The following SCMH1 variants were observed in gnomAD, a reference collection of about 807,000 sequenced individuals.
SCMH1 encodes polycomb protein SCMH1.
SCMH1 carries 37 observed loss-of-function variants against 70.8 expected under a neutral mutation model. The ratio of observed to expected loss-of-function variants is 0.52; its 90% CI spans 0.40 to 0.69. The LOEUF is 0.69. SCMH1 is among the 30% of genes least tolerant of loss of function. SCMH1 has a pLI of 0.00. For missense variants in SCMH1, 607 were observed against 827.3 expected, an observed-to-expected ratio of 0.73 and a Z score of 3.27; for synonymous variants, 292 against 307.4, an observed-to-expected ratio of 0.95 and a Z score of 0.52.
intron 10 of SCMH1, 35 bp downstream of exon 10, chr1:41,070,560 G>A (rs963611632): frequency 1.2e-6 from 2 of 1,613,258 alleles, no homozygotes; most frequent in East Asian, 2.2e-5. Context: ...TAGGTCTGGG[G>A]CTTGTGCGCA....
intron 2 of SCMH1, among the ~76,000 whole-genome samples, chr1:41,185,708 T>A (rs1239284736): frequency 1.3e-5 from 2 of 150,992 alleles, no homozygotes; most frequent in African/African-American, 4.9e-5. Flanking sequence ...AGATCTCGGC[T>A]TACAGCAACC....
At chr1:41,058,539 C>T (rs1651423131) in intron 10 of SCMH1, among the ~76,000 whole-genome samples, 2 of 151,998 alleles carry the variant, frequency 1.3e-5, no homozygotes, top group Non-Finnish European at 2.9e-5. Flanking sequence ...TGCCACCACA[C>T]CTGGCTAATT....
chr1:41,142,886 G>A (rs769517806), exon 6 of SCMH1: 3 of 1,613,072 alleles, frequency 1.9e-6, no homozygotes. Context: ...ACCAAGAGGT[G>A]GCTGTAGCAT....
At chr1:41,068,457 G>A (rs1655412271) in intron 10 of SCMH1, among the ~76,000 whole-genome samples, 1 of 152,142 alleles carries the variant, frequency 6.6e-6, no homozygotes. Context: ...CTAGGCTGGA[G>A]TGCACTGGTA....
chr1:41,203,691 G>C (rs531883819), intron 1 of SCMH1, among the ~76,000 whole-genome samples: 72 of 152,358 alleles, frequency 4.7e-4, no homozygotes, highest in South Asian at 3.1e-3. Flanking sequence ...ACCACTTAAA[G>C]GCATTCTTAA....
intron 2 of SCMH1, among the ~76,000 whole-genome samples, chr1:41,166,039 T>C (rs1646388782): frequency 6.6e-6 from 1 of 152,116 alleles, no homozygotes; most frequent in South Asian, 2.1e-4. Context: ...AGGGGTGAAA[T>C]AAAGATCCAC....
intron 2 of SCMH1, among the ~76,000 whole-genome samples, chr1:41,167,405 C>T (rs1039629945): frequency 3.9e-5 from 6 of 152,166 alleles, no homozygotes; most frequent in Admixed American, 2.0e-4. Flanking sequence ...GAAGAATTCC[C>T]TCCTCTTCAA....
At chr1:41,214,715 T>C (rs1316186437) in intron 1 of SCMH1, among the ~76,000 whole-genome samples, 2 of 152,148 alleles carry the variant, frequency 1.3e-5, no homozygotes, top group Admixed American at 6.5e-5. Flanking sequence ...GCTCCAATCT[T>C]TTCCCATTAT....
At chr1:41,148,847 G>A (rs1644818678) in intron 5 of SCMH1, among the ~76,000 whole-genome samples, 1 of 152,108 alleles carries the variant, frequency 6.6e-6, no homozygotes, top group South Asian at 2.1e-4. Context: ...CTGCAGTGCA[G>A]TGGCATGATC....
At chr1:41,201,226 A>G (rs753516918) in intron 1 of SCMH1, among the ~76,000 whole-genome samples, 3 of 152,212 alleles carry the variant, frequency 2.0e-5, no homozygotes, top group African/African-American at 4.8e-5. Flanking sequence ...TGAGGGAGTT[A>G]TAAATCCATG....
intron 11 of SCMH1, among the ~76,000 whole-genome samples, chr1:41,047,307 C>G (rs1452600291): frequency 6.6e-6 from 1 of 151,452 alleles, no homozygotes; most frequent in African/African-American, 2.4e-5. Context: ...TCCTACAGAC[C>G]ATTACACAGA....
intron 6 of SCMH1, among the ~76,000 whole-genome samples, chr1:41,125,923 A>T (rs750135771): frequency 2.6e-5 from 4 of 152,174 alleles, no homozygotes; most frequent in Non-Finnish European, 5.9e-5. Context: ...AATTGCTTCT[A>T]GGCCCTTTCA....
intron 10 of SCMH1, among the ~76,000 whole-genome samples, chr1:41,069,617 T>C (rs1255667815): frequency 1.3e-5 from 2 of 152,236 alleles, no homozygotes; most frequent in Admixed American, 1.3e-4. Context: ...ATAGCTTTTA[T>C]TGTTAACATT....
intron 2 of SCMH1, among the ~76,000 whole-genome samples, chr1:41,180,748 A>G (rs981309321): frequency 1.3e-5 from 2 of 152,206 alleles, no homozygotes; most frequent in Non-Finnish European, 2.9e-5. Context: ...GGAAGAATCA[A>G]TATCATGAAA....
chr1:41,205,499 T>G (rs1655316883), intron 1 of SCMH1, among the ~76,000 whole-genome samples: 1 of 152,184 alleles, frequency 6.6e-6, no homozygotes, highest in Non-Finnish European at 1.5e-5. Context: ...CTGAAGGCTG[T>G]GAGACCCCTG....
chr1:41,152,480 G>C, intron 4 of SCMH1: 1 of 1,074,644 alleles, frequency 9.3e-7, no homozygotes, highest in Non-Finnish European at 1.4e-6. Flanking sequence ...CACTGTGCTG[G>C]GGGAAGGGAA....
intron 1 of SCMH1, among the ~76,000 whole-genome samples, chr1:41,193,242 C>G (rs1652169279): frequency 6.6e-6 from 1 of 152,202 alleles, no homozygotes; most frequent in Non-Finnish European, 1.5e-5. Context: ...ACTTAGAATA[C>G]TGTACATACA....
intron 6 of SCMH1, among the ~76,000 whole-genome samples, chr1:41,128,238 AT>A (rs995202561): frequency 7.2e-5 from 11 of 152,114 alleles, no homozygotes; most frequent in African/African-American, 2.4e-4. Flanking sequence ...TACAAATTTT[AT>A]TATATTTACC....
chr1:41,062,740 G>GAA (rs1292039887), intron 10 of SCMH1, among the ~76,000 whole-genome samples: 29 of 98,162 alleles, frequency 3.0e-4, no homozygotes, highest in Non-Finnish European at 4.8e-4. Context: ...CTCCATCTCA[G>GAA]AAAAAAAAAA....
Sources: allele counts gnomAD v4.1 joint callset (sites outside exome capture counted in the v4.1 genomes callset), GRCh38; gene constraint gnomAD v4.1.1; transcripts MANE v1.5; gene names NCBI Gene and HGNC (gene_info 2026-07-23, HGNC 2026-07-21).